Variants in OPCML observed in about 807,000 individuals in gnomAD.
OPCML encodes opioid binding protein/cell adhesion molecule like.
Under a neutral mutation model 37.8 loss-of-function variants are expected in OPCML, and 13 were observed. The ratio of observed to expected loss-of-function variants is 0.34; its 90% CI spans 0.22 to 0.55. The LOEUF is 0.55. Ranked by LOEUF, OPCML falls within the 20% of genes least tolerant of loss-of-function variation. The pLI is 0.91. For missense variants in OPCML, 341 were observed against 435.6 expected (o/e 0.78, Z 1.93); for synonymous variants, 176 against 168.8 (o/e 1.04, Z -0.33).
intron 2 of OPCML, among the ~76,000 whole-genome samples, chr11:132,738,416 G>C (rs1003424791): frequency 6.6e-6 from 1 of 152,140 alleles, no homozygotes; most frequent in African/African-American, 2.4e-5. Flanking sequence ...ATACACACAA[G>C]TGCATACATC....
chr11:132,704,249 G>A (rs1943945119), intron 2 of OPCML, among the ~76,000 whole-genome samples: 1 of 152,200 alleles, frequency 6.6e-6, no homozygotes, highest in Non-Finnish European at 1.5e-5. Flanking sequence ...CAAGGATTCA[G>A]AACATTTCTC....
At chr11:133,083,805 A>G (rs1011678473) in intron 1 of OPCML, among the ~76,000 whole-genome samples, 1 of 152,246 alleles carries the variant, frequency 6.6e-6, no homozygotes, top group African/African-American at 2.4e-5. Context: ...GCGCGAGGAC[A>G]GGAAGGATTC....
At chr11:133,198,982 C>T (rs1046967094) in intron 1 of OPCML, among the ~76,000 whole-genome samples, 7 of 152,126 alleles carry the variant, frequency 4.6e-5, no homozygotes, top group Admixed American at 6.5e-5. Flanking sequence ...AAATAGCTTA[C>T]TCTCCTGTAC....
intron 1 of OPCML, among the ~76,000 whole-genome samples, chr11:133,132,505 G>A (rs571786051): frequency 6.6e-6 from 1 of 152,254 alleles, no homozygotes; most frequent in South Asian, 2.1e-4. Context: ...CCTATTATAT[G>A]AGCCAGCCAT....
At chr11:132,462,565 T>C (rs1385932036) in intron 4 of OPCML, among the ~76,000 whole-genome samples, 1 of 152,162 alleles carries the variant, frequency 6.6e-6, no homozygotes, top group East Asian at 1.9e-4. Context: ...AATAATGCAG[T>C]GGTGTTTGCT....
chr11:132,960,540 G>A (rs1213303510), intron 1 of OPCML, among the ~76,000 whole-genome samples: 1 of 152,144 alleles, frequency 6.6e-6, no homozygotes, highest in Non-Finnish European at 1.5e-5. Context: ...GTAAAGCAGG[G>A]CTGCGAAATA....
intron 1 of OPCML, among the ~76,000 whole-genome samples, chr11:133,503,380 A>T (rs1947958204): frequency 6.6e-6 from 1 of 152,176 alleles, no homozygotes; most frequent in Admixed American, 6.5e-5. Context: ...CAGCTGGTCA[A>T]CAACCCCTCC....
At chr11:133,524,914 C>G (rs1337507679) in intron 1 of OPCML, among the ~76,000 whole-genome samples, 1 of 152,208 alleles carries the variant, frequency 6.6e-6, no homozygotes, top group East Asian at 1.9e-4. Flanking sequence ...GAATGATTGC[C>G]TAAAGTAAGT....
chr11:132,905,869 A>G (rs915962799), intron 2 of OPCML, among the ~76,000 whole-genome samples: 2 of 152,236 alleles, frequency 1.3e-5, no homozygotes, highest in Admixed American at 6.5e-5. Flanking sequence ...GTGTAAAAGC[A>G]GAAGTCATTG....
chr11:132,961,410 C>A (rs750779202), intron 1 of OPCML, among the ~76,000 whole-genome samples: 5 of 152,130 alleles, frequency 3.3e-5, no homozygotes, highest in Non-Finnish European at 5.9e-5. Flanking sequence ...CTGACATGGC[C>A]GTTCTGGTTC....
rs1172489369 is a variant in OPCML, at chr11:132,467,035, TA to T, written c.506-29677del. Among the ~76,000 whole-genome samples the T allele has an allele frequency of 2.6e-5, 4 of 152,188 alleles. No homozygotes were observed. The East Asian group carries it at 7.7e-4, about 29-fold the overall frequency. ...TAAGACCATTCTAGGCTGAGAAGTGTAAAACTAAAGGATAATAAAATCGAGC... is the reference window on the plus strand; with the variant it reads ...TAAGACCATTCTAGGCTGAGAAGTGTAAACTAAAGGATAATAAAATCGAGC... On this transcript the variant is annotated intron_variant, in intron 4 of 7. Transcript: ENST00000524381.
At chr11:133,193,576 T>C (rs1938411959) in intron 1 of OPCML, among the ~76,000 whole-genome samples, 1 of 152,160 alleles carries the variant, frequency 6.6e-6, no homozygotes, top group Non-Finnish European at 1.5e-5. Context: ...ATTTTGGTAA[T>C]TCAAATACTT....
rs555552924 is a variant in OPCML at position 133,449,679 on chromosome 11, G to A, written c.61+82585C>T. ...TTCATCTTCACATGGCTTCCTCTCT[G>A]TGTCCTCCCCTCATCCTATGAGAAC... On this transcript the variant is annotated intron_variant, in intron 1 of 7. Coordinates refer to ENST00000524381, the MANE Select transcript of OPCML (RefSeq NM_001012393.5). Among the ~76,000 whole-genome samples, 11 of 150,394 alleles carry A rather than the reference G, an allele frequency of 7.3e-5. No homozygotes were observed. In the South Asian group the frequency reaches 2.1e-3, roughly 28 times the overall value.
In OPCML at chr11:133,042,106, A is replaced by G. The variant is rs892155948; in HGVS notation, c.62-99096T>C. On this transcript the variant is annotated intron_variant, in intron 1 of 7. Transcript: ENST00000524381. ...GACTAATCACCACCATTAGGCCCAC[A>G]GTCACATGTGACACGGAAACGCAAT... 9.9e-5 allele frequency among the ~76,000 whole-genome samples: 15 copies of G among 152,270 alleles called. No individual in the cohort carries two copies. In the East Asian group the frequency reaches 2.9e-3, roughly 30 times the overall value.
intron 1 of OPCML, among the ~76,000 whole-genome samples, chr11:133,318,772 C>T (rs1290213794): frequency 6.6e-6 from 1 of 152,196 alleles, no homozygotes; most frequent in Middle Eastern, 3.2e-3. Context: ...AGCAGTGGTT[C>T]ACGCCTGTAA....
At chr11:132,596,835 T>C (rs1171982196) in intron 3 of OPCML, among the ~76,000 whole-genome samples, 1 of 152,234 alleles carries the variant, frequency 6.6e-6, no homozygotes, top group Non-Finnish European at 1.5e-5. Context: ...GAAATAGGTA[T>C]GTCATAAATT....
chr11:132,570,804 T>TAGAGAGAG (rs1203341702), intron 3 of OPCML, among the ~76,000 whole-genome samples: 1 of 90,762 alleles, frequency 1.1e-5, no homozygotes, highest in African/African-American at 5.0e-5. Context: ...TATATATATT[T>TAGAGAGAG]AGAGAGAGAG....
Position 132,444,435 on chromosome 11 carries a change from G to A in OPCML, c.506-7076C>T, listed in dbSNP as rs530223720. ...GAAACATGCATGAATTTGGAATTAC[G>A]GTAGAGTTTTAGCATTTGGGACCCA... On this transcript the variant is annotated intron_variant, in intron 4 of 7. Transcript: ENST00000524381. 5.9e-5 allele frequency among the ~76,000 whole-genome samples: 9 copies of A among 152,214 alleles called. 1 individual carries two copies. The highest frequency in any genetic ancestry group is 5.8e-4 in the East Asian group (3 of 5,188).
intron 1 of OPCML, among the ~76,000 whole-genome samples, chr11:133,105,758 A>G (rs1380204436): frequency 1.3e-5 from 2 of 152,202 alleles, no homozygotes; most frequent in East Asian, 3.9e-4. Context: ...AGGCAGGTGG[A>G]TCATCTGAGT....
Sources: allele counts gnomAD v4.1 joint callset (sites outside exome capture counted in the v4.1 genomes callset), GRCh38; gene constraint gnomAD v4.1.1; transcripts MANE v1.5; gene names NCBI Gene and HGNC (gene_info 2026-07-23, HGNC 2026-07-21).